MYO9B: variants seen among roughly 807,000 people sequenced by gnomAD.
MYO9B encodes myosin IXB, also known as unconventional myosin-IXb.
Under a neutral mutation model 229.5 loss-of-function variants are expected in MYO9B, and 71 were observed. The observed-to-expected ratio is 0.31, with a 90% CI of 0.26 to 0.38. MYO9B has a LOEUF of 0.38. Ranked by LOEUF, MYO9B falls within the 10% of genes least tolerant of loss-of-function variation. The pLI is 1.00. For missense variants in MYO9B, 2,255 were observed against 2,920.5 expected (o/e 0.77, Z 5.25); for synonymous variants, 1,185 against 1,235.8 (o/e 0.96, Z 0.86).
In MYO9B at chr19:17,212,301, C is replaced by T. The variant is rs1274924126; in HGVS notation, c.6465C>T (p.Thr2155=). Residue 2155 remains threonine, a synonymous_variant, in exon 40 of 40, where the codon ACC becomes ACT. Coordinates refer to ENST00000682292, the MANE Select transcript of MYO9B (RefSeq NM_004145.4). The surrounding 1 kb of genome is among the most constrained non-coding windows in gnomAD (Gnocchi z 5.4). ...TYCLPPASGQ[T]NG ...GCCTGCCCCCCGCCTCGGGCCAGAC[C>T]AATGGCTGAGAGCCACAGCTGACAA... 1 of 1,502,392 alleles carries T rather than the reference C, an allele frequency of 6.7e-7. No individual in the cohort carries two copies. Among genetic ancestry groups the T allele is most frequent in the Non-Finnish European group, 8.8e-7 (1 of 1,134,492 alleles). 93.1% of individuals were successfully genotyped at this position (1,502,392 alleles called of 1,614,324 possible).
At position 17,182,102 on chromosome 19, in the gene MYO9B, G is replaced by C. The variant is rs2072868460; in HGVS notation, c.2333+1062G>C. On this transcript the variant is annotated intron_variant, in intron 15 of 39. Coordinates refer to ENST00000682292, the MANE Select transcript of MYO9B (RefSeq NM_004145.4). Reference sequence around the variant, plus strand: ...TTTTTTTTCTTTTTTAAGAGATGGGGGTTTCATTCTGTTGCCCAGGCTACA... The same window carrying C: ...TTTTTTTTCTTTTTTAAGAGATGGGCGTTTCATTCTGTTGCCCAGGCTACA... 2.0e-5 allele frequency among the ~76,000 whole-genome samples: 3 copies of C among 150,534 alleles called. No individual in the cohort carries two copies. The South Asian group carries it at 6.3e-4, about 32-fold the overall frequency.
At position 17,156,834 on chromosome 19, in the gene MYO9B, C is replaced by T. The variant is rs2072542528; in HGVS notation, c.1200-75C>T. 6.0e-6 allele frequency: 9 copies of T among 1,511,914 alleles called. No individual in the cohort carries two copies. The East Asian group carries it at 2.1e-4, about 35-fold the overall frequency. The allele number at this position is 1,511,914 out of a possible 1,614,324, so 93.7% of individuals were successfully genotyped here. On this transcript the variant is annotated intron_variant, in intron 6 of 39. Coordinates refer to ENST00000682292, the MANE Select transcript of MYO9B (RefSeq NM_004145.4). ...GAATTTGCTGGTTTTATGGATTCAGCCCGGTTCCCTGGGAAGTATCTGCTG... is the reference window on the plus strand; with the variant it reads ...GAATTTGCTGGTTTTATGGATTCAGTCCGGTTCCCTGGGAAGTATCTGCTG...
intron 1 of MYO9B, among the ~76,000 whole-genome samples, chr19:17,085,287 A>G (rs2057571605): frequency 2.0e-5 from 3 of 152,184 alleles, no homozygotes; most frequent in Admixed American, 2.0e-4. Context: ...TTTCATGGCC[A>G]GGAGGAGGAG....
At chr19:17,098,839 G>A (rs760245525) in intron 1 of MYO9B, among the ~76,000 whole-genome samples, 10 of 151,792 alleles carry the variant, frequency 6.6e-5, no homozygotes, top group Non-Finnish European at 1.2e-4. Flanking sequence ...TGAGGCAGAG[G>A]TGAGAGGATC....
rs773045563 is a variant in MYO9B at position 17,197,806 on chromosome 19, CCTT to C, written c.4064_4066del (p.Phe1355del). On this transcript the variant is annotated inframe_deletion, in exon 23 of 40. Transcript: ENST00000682292. ...TGATCTCGCAGGGAGAGGCGCACCTCCTTCTCCACGAGCGACGTCTCCAAGCTC... is the reference window on the plus strand; with the variant it reads ...TGATCTCGCAGGGAGAGGCGCACCTCCTCCACGAGCGACGTCTCCAAGCTC... The C allele has an allele frequency of 1.9e-4, 309 of 1,613,828 alleles. 3 individuals are homozygous for C. Among genetic ancestry groups the C allele is most frequent in the Admixed American group, 8.0e-4 (48 of 60,002 alleles).
Position 17,197,451 on chromosome 19 carries a change from C to G in MYO9B, c.4047-341C>G, listed in dbSNP as rs200374485. ...AGATAGATAGATAGATAGATAGATA[C>G]ATAGATAGATAGATGGGCAGGCAGG... On this transcript the variant is annotated intron_variant, in intron 22 of 39. Transcript: ENST00000682292. Among the ~76,000 whole-genome samples, 620 of 123,902 alleles carry G rather than the reference C, an allele frequency of 5.0e-3. 3 individuals are homozygous for G. The highest frequency in any genetic ancestry group is 0.019 in the African/African-American group (587 of 30,630). The allele number at this position is 123,902 out of a possible 152,430, so 81.3% of individuals were successfully genotyped here. A position where few individuals can be genotyped will look rare whatever the true frequency, so the allele number is the denominator to read the frequency against.
chr19:17,120,638 C>CAAAAAAAAAAAAAAAAAAAAAAAAAAAAA (rs59262657), intron 2 of MYO9B, among the ~76,000 whole-genome samples: 1 of 87,014 alleles, frequency 1.1e-5, no homozygotes. Context: ...GACTCTGTCT[C>CAAAAAAAAAAAAAAAAAAAAAAAAAAAAA]AAAAAAAAAA....
chr19:17,167,563 T>C (rs1329732996), intron 10 of MYO9B, among the ~76,000 whole-genome samples: 1 of 146,728 alleles, frequency 6.8e-6, no homozygotes, highest in African/African-American at 2.5e-5. Context: ...CACTGCAACC[T>C]CCACTTCCCG....
chr19:17,121,312 C>T (rs774573061), intron 2 of MYO9B, among the ~76,000 whole-genome samples: 2 of 152,114 alleles, frequency 1.3e-5, no homozygotes, highest in Admixed American at 6.6e-5. Context: ...CCACAGCCCA[C>T]TGAAGGGACA....
At chr19:17,104,168 G>A (rs1259322482) in intron 2 of MYO9B, among the ~76,000 whole-genome samples, 1 of 152,138 alleles carries the variant, frequency 6.6e-6, no homozygotes, top group Non-Finnish European at 1.5e-5. Context: ...AGTTTGAGGA[G>A]TGCTTCACAA....
chr19:17,164,661 C>T (rs2072639836), intron 10 of MYO9B, among the ~76,000 whole-genome samples: 1 of 152,164 alleles, frequency 6.6e-6, no homozygotes, highest in Non-Finnish European at 1.5e-5. Context: ...GGATTATAGG[C>T]GTGAGCCACC....
At chr19:17,097,155 C>T (rs917060901) in intron 1 of MYO9B, among the ~76,000 whole-genome samples, 5 of 151,630 alleles carry the variant, frequency 3.3e-5, no homozygotes, top group African/African-American at 1.2e-4. Flanking sequence ...AACACTGTCT[C>T]TACTAAAAAC....
chr19:17,209,197 G>A (rs1166867528), intron 35 of MYO9B, among the ~76,000 whole-genome samples: 1 of 152,196 alleles, frequency 6.6e-6, no homozygotes, highest in African/African-American at 2.4e-5. Context: ...ACACCAGGCT[G>A]GCCTTGACCA....
At chr19:17,188,299 G>A (rs1365579998) in intron 19 of MYO9B, among the ~76,000 whole-genome samples, 1 of 151,990 alleles carries the variant, frequency 6.6e-6, no homozygotes, top group Non-Finnish European at 1.5e-5. Flanking sequence ...TGTGGCAGCA[G>A]CTGCCTGTAT....
Position 17,208,433 on chromosome 19 carries a change from CTT to C in MYO9B, c.5625-1144_5625-1143del, listed in dbSNP as rs919188556. 2.3e-4 allele frequency among the ~76,000 whole-genome samples: 33 copies of C among 146,104 alleles called. 1 individual carries two copies. Among genetic ancestry groups the C allele is most frequent in the African/African-American group, 6.8e-4 (27 of 39,806 alleles). The stretch of plus-strand genomic sequence containing the variant: ...CACACCCCATTGTACTAAAACAGAA[CTT>C]TTTTTTTTCTTTTTGAGACGGAGTC... On this transcript the variant is annotated intron_variant, in intron 35 of 39. Coordinates refer to ENST00000682292, the MANE Select transcript of MYO9B (RefSeq NM_004145.4).
chr19:17,183,071 G>A (rs900695748), intron 15 of MYO9B, among the ~76,000 whole-genome samples: 2 of 151,768 alleles, frequency 1.3e-5, no homozygotes, highest in Non-Finnish European at 2.9e-5. Flanking sequence ...ACAGGCACCC[G>A]CCACCACACC....
chr19:17,145,175 C>G (rs2072393858), intron 2 of MYO9B, among the ~76,000 whole-genome samples: 1 of 151,942 alleles, frequency 6.6e-6, no homozygotes, highest in Admixed American at 6.6e-5. Context: ...ACTCAGGAGG[C>G]TGAGGCATGA....
chr19:17,205,044 G>A (rs1488215539), intron 30 of MYO9B, among the ~76,000 whole-genome samples: 2 of 152,092 alleles, frequency 1.3e-5, no homozygotes, highest in South Asian at 2.1e-4. Flanking sequence ...CCAGCTACTC[G>A]GGAGGCCGAG....
intron 8 of MYO9B, among the ~76,000 whole-genome samples, chr19:17,161,013 CT>C (rs1020884628): frequency 1.3e-5 from 2 of 149,716 alleles, no homozygotes; most frequent in Non-Finnish European, 1.5e-5. Flanking sequence ...TTTTTTTTTC[CT>C]TTTGCATCTT....
Sources: gnomAD v4.1 joint callset for allele counts (sites outside exome capture counted in the v4.1 genomes callset) on GRCh38, gnomAD v4.1.1 for gene constraint, Gnocchi (gnomAD v3.1) non-coding constraint, MANE v1.5 for transcripts, NCBI Gene and HGNC (gene_info 2026-07-23, HGNC 2026-07-21) for gene names.